GRIK2: variants seen among roughly 807,000 people sequenced by gnomAD.
The protein encoded by GRIK2 is glutamate receptor ionotropic, kainate 2.
GRIK2 carries 32 observed loss-of-function variants against 100.3 expected under a neutral mutation model. The observed-to-expected ratio is 0.32, with a 90% CI of 0.24 to 0.43. GRIK2 has a LOEUF of 0.43. Ranked by LOEUF, GRIK2 falls within the 20% of genes least tolerant of loss-of-function variation. The pLI, the probability that GRIK2 is intolerant of heterozygous loss-of-function variation, is 1.00. For synonymous variants in GRIK2, 417 were observed against 389.4 expected (o/e 1.07, Z -0.83); for missense variants, 843 against 1,114.9 (o/e 0.76, Z 3.47).
chr6:101,633,305 A>ATC (rs1346821594), intron 4 of GRIK2, among the ~76,000 whole-genome samples: 1 of 152,146 alleles, frequency 6.6e-6, no homozygotes, highest in Non-Finnish European at 1.5e-5. Context: ...ATAGAGGGCC[A>ATC]TCTGTCAGCC....
intron 10 of GRIK2, among the ~76,000 whole-genome samples, chr6:101,838,529 C>G (rs191678856): frequency 6.6e-6 from 1 of 152,252 alleles, no homozygotes; most frequent in East Asian, 1.9e-4. Context: ...GTGGTATTAC[C>G]TACGTATCAA....
At chr6:101,964,478 G>A (rs1792531687) in intron 14 of GRIK2, among the ~76,000 whole-genome samples, 1 of 152,126 alleles carries the variant, frequency 6.6e-6, no homozygotes, top group African/African-American at 2.4e-5. Flanking sequence ...AACTAGACAT[G>A]GGTGTTTACA....
chr6:101,759,995 G>A (rs947416582), intron 7 of GRIK2, among the ~76,000 whole-genome samples: 6 of 128,544 alleles, frequency 4.7e-5, no homozygotes, highest in African/African-American at 1.1e-4. Context: ...TCAGCCTCCC[G>A]AGTAGCTGGG....
chr6:101,894,518 C>T (rs1272912044), intron 12 of GRIK2, among the ~76,000 whole-genome samples: 6 of 151,522 alleles, frequency 4.0e-5, no homozygotes, highest in Admixed American at 1.3e-4. Flanking sequence ...AAATCTTGTC[C>T]GGGATGGGTT....
At chr6:101,713,975 T>C (rs2128360733) in intron 7 of GRIK2, among the ~76,000 whole-genome samples, 1 of 151,916 alleles carries the variant, frequency 6.6e-6, no homozygotes, top group East Asian at 2.0e-4. Flanking sequence ...ATTAGAACAC[T>C]TTTTATTTAA....
chr6:101,936,204 T>C (rs1340275), intron 14 of GRIK2, among the ~76,000 whole-genome samples: 5,213 of 152,168 alleles, frequency 0.034, 316 homozygotes, highest in African/African-American at 0.12. Context: ...TGTTGCTGTG[T>C]TCTTCATTGT....
At chr6:101,453,435 A>G (rs1035687793) in intron 2 of GRIK2, among the ~76,000 whole-genome samples, 1 of 152,002 alleles carries the variant, frequency 6.6e-6, no homozygotes, top group Non-Finnish European at 1.5e-5. Flanking sequence ...GAACAAATAT[A>G]TTTATATCAA....
intron 7 of GRIK2, among the ~76,000 whole-genome samples, chr6:101,728,709 G>T (rs1286519875): frequency 6.6e-6 from 1 of 152,002 alleles, no homozygotes; most frequent in Non-Finnish European, 1.5e-5. Flanking sequence ...TATACATGTT[G>T]CCTTAATTGA....
intron 2 of GRIK2, among the ~76,000 whole-genome samples, chr6:101,563,854 A>G (rs1777133844): frequency 6.6e-6 from 1 of 152,038 alleles, no homozygotes. Context: ...AGCACATTTT[A>G]GTCTTCCATT....
rs530670849 is a variant in GRIK2 at position 101,554,539 on chromosome 6, C to T, written c.116-67410C>T. Among the ~76,000 whole-genome samples the T allele has an allele frequency of 3.3e-5, 5 of 152,250 alleles. No homozygotes were observed. The East Asian group carries it at 9.7e-4, about 29-fold the overall frequency. On this transcript the variant is annotated intron_variant, in intron 2 of 16. Transcript: ENST00000369134. The stretch of plus-strand genomic sequence containing the variant: ...TCACTCAAATCCCTTCTCCTAATTG[C>T]CCTCTGCCTTTATATCTACTCCTGG...
chr6:101,839,712 A>G (rs9322612), intron 10 of GRIK2, among the ~76,000 whole-genome samples: 43,622 of 151,832 alleles, frequency 0.29, 9,113 homozygotes, highest in East Asian at 0.68. Context: ...TAAAGGGATG[A>G]GGGAAAGAAA....
rs563660489 is a variant in GRIK2 at position 101,412,270 on chromosome 6, A to T, written c.115+12878A>T. Among the ~76,000 whole-genome samples the T allele has an allele frequency of 2.5e-3, 377 of 152,218 alleles. 1 individual carries two copies. Among genetic ancestry groups the T allele is most frequent in the Middle Eastern group, 6.8e-3 (2 of 294 alleles). ...AAATTGTTAATAATTGCATATACTG[A>T]TTTAGTATTGAAATAAAAATGGTTT... On this transcript the variant is annotated intron_variant, in intron 2 of 16. Coordinates refer to ENST00000369134, the MANE Select transcript of GRIK2 (RefSeq NM_021956.5).
intron 2 of GRIK2, among the ~76,000 whole-genome samples, chr6:101,497,107 T>A (rs1773485428): frequency 6.6e-6 from 1 of 152,224 alleles, no homozygotes; most frequent in Non-Finnish European, 1.5e-5. Context: ...CCCAAGGTAC[T>A]GTCTTTTTCA....
chr6:101,794,144 C>T (rs1264117888), intron 7 of GRIK2, among the ~76,000 whole-genome samples: 1 of 152,112 alleles, frequency 6.6e-6, no homozygotes, highest in African/African-American at 2.4e-5. Context: ...AAGGGAACTC[C>T]CTGACCCCTT....
chr6:101,476,651 T>G (rs568898979), intron 2 of GRIK2, among the ~76,000 whole-genome samples: 1 of 152,288 alleles, frequency 6.6e-6, no homozygotes, highest in East Asian at 1.9e-4. Context: ...TTTACCTATA[T>G]GATAATTATA....
At chr6:101,861,637 C>G (rs1260039396) in intron 11 of GRIK2, among the ~76,000 whole-genome samples, 6 of 152,012 alleles carry the variant, frequency 3.9e-5, no homozygotes, top group Non-Finnish European at 8.8e-5. Flanking sequence ...AGCAGGGACA[C>G]CCTTATTTTT....
intron 2 of GRIK2, among the ~76,000 whole-genome samples, chr6:101,506,453 T>G (rs1442805686): frequency 6.6e-6 from 1 of 152,258 alleles, no homozygotes; most frequent in African/African-American, 2.4e-5. Flanking sequence ...TTTAAAATGG[T>G]AAAAGTATGG....
At chr6:101,718,674 T>A (rs367568975) in intron 7 of GRIK2, among the ~76,000 whole-genome samples, 2 of 151,906 alleles carry the variant, frequency 1.3e-5, no homozygotes, top group African/African-American at 4.8e-5. Flanking sequence ...GGATTCTACT[T>A]TTTTGTAACA....
At chr6:101,743,042 C>A (rs116789941) in intron 7 of GRIK2, among the ~76,000 whole-genome samples, 1 of 152,124 alleles carries the variant, frequency 6.6e-6, no homozygotes, top group Non-Finnish European at 1.5e-5. Context: ...AGTCAAGCTT[C>A]GTGGCTCTTT....
Sources: gnomAD v4.1 joint callset for allele counts (sites outside exome capture counted in the v4.1 genomes callset) on GRCh38, gnomAD v4.1.1 for gene constraint, MANE v1.5 for transcripts, NCBI Gene and HGNC (gene_info 2026-07-23, HGNC 2026-07-21) for gene names.